The following PLPPR1 variants were observed in gnomAD, a reference collection of about 807,000 sequenced individuals.
PLPPR1 encodes phospholipid phosphatase related 1, also known as phospholipid phosphatase-related protein type 1.
In PLPPR1, 10 loss-of-function variants were observed where a neutral mutation model predicts 33.1. The observed-to-expected ratio is 0.30, with a 90% CI of 0.19 to 0.51. PLPPR1 has a LOEUF of 0.51. Among genes scored for constraint, PLPPR1 ranks in the 20% least tolerant of loss-of-function variants. The pLI, the probability that PLPPR1 is intolerant of heterozygous loss-of-function variation, is 0.97. For missense variants in PLPPR1, 304 were observed against 408.1 expected, an observed-to-expected ratio of 0.74 and a Z score of 2.20; for synonymous variants, 151 against 151.0, an observed-to-expected ratio of 1.00 and a Z score of 0.00.
chr9:101,236,473 C>T (rs1035108423), intron 2 of PLPPR1, among the ~76,000 whole-genome samples: 1 of 150,918 alleles, frequency 6.6e-6, no homozygotes, highest in African/African-American at 2.4e-5. Context: ...GGACAGAATG[C>T]CAGTAGAATA....
chr9:101,109,713 C>G (rs1016127603), intron 1 of PLPPR1, among the ~76,000 whole-genome samples: 3 of 152,154 alleles, frequency 2.0e-5, no homozygotes, highest in African/African-American at 7.2e-5. Flanking sequence ...ATCTGTAATC[C>G]TATTATCCCA....
intron 2 of PLPPR1, among the ~76,000 whole-genome samples, chr9:101,213,867 G>T (rs1305422633): frequency 6.6e-6 from 1 of 152,166 alleles, no homozygotes; most frequent in Admixed American, 6.5e-5. Flanking sequence ...AATACTGAAA[G>T]AAATAAAGGT....
intron 1 of PLPPR1, among the ~76,000 whole-genome samples, chr9:101,037,437 C>T (rs1323832739): frequency 1.3e-5 from 2 of 151,986 alleles, no homozygotes; most frequent in African/African-American, 2.4e-5. Flanking sequence ...GGCTCTCTGT[C>T]GAGGGGTTCT....
intron 1 of PLPPR1, among the ~76,000 whole-genome samples, chr9:101,127,087 T>C (rs1222620688): frequency 6.6e-6 from 1 of 152,184 alleles, no homozygotes; most frequent in Non-Finnish European, 1.5e-5. Context: ...ATAAATGCCT[T>C]AAGAAAAATA....
At chr9:101,155,828 G>A (rs893247384) in intron 1 of PLPPR1, among the ~76,000 whole-genome samples, 1 of 151,998 alleles carries the variant, frequency 6.6e-6, no homozygotes, top group Non-Finnish European at 1.5e-5. Flanking sequence ...TCTAACTCCC[G>A]ACCTCAAGTG....
chr9:101,267,243 C>G (rs1429077665), intron 2 of PLPPR1, among the ~76,000 whole-genome samples: 4 of 152,212 alleles, frequency 2.6e-5, no homozygotes, highest in African/African-American at 9.6e-5. Flanking sequence ...ATAAAAGAAA[C>G]AGTAACTTCA....
At chr9:101,111,723 G>C (rs1831059702) in intron 1 of PLPPR1, among the ~76,000 whole-genome samples, 1 of 152,132 alleles carries the variant, frequency 6.6e-6, no homozygotes. Context: ...TAGCACAGTT[G>C]TAAAAACTGC....
intron 4 of PLPPR1, among the ~76,000 whole-genome samples, chr9:101,294,937 G>A (rs1828593318): frequency 6.6e-6 from 1 of 152,170 alleles, no homozygotes; most frequent in African/African-American, 2.4e-5. Context: ...CATAGTGTTG[G>A]AAGTTCTGGC....
intron 2 of PLPPR1, among the ~76,000 whole-genome samples, chr9:101,195,129 T>C (rs1223415278): frequency 2.6e-5 from 4 of 152,138 alleles, no homozygotes; most frequent in African/African-American, 9.7e-5. Context: ...TTACGGTCAC[T>C]CTGGTAAAGG....
chr9:101,113,823 T>C (rs1831087530), intron 1 of PLPPR1, among the ~76,000 whole-genome samples: 1 of 152,090 alleles, frequency 6.6e-6, no homozygotes, highest in African/African-American at 2.4e-5. Context: ...TGCAGAAACA[T>C]GAAGCTCTGT....
intron 1 of PLPPR1, among the ~76,000 whole-genome samples, chr9:101,073,204 G>A (rs374905677): frequency 3.7e-4 from 57 of 152,254 alleles, no homozygotes; most frequent in African/African-American, 1.3e-3. Flanking sequence ...ATTTCTCAAA[G>A]GAACTTCCAA....
chr9:101,128,485 T>G (rs1053784190), intron 1 of PLPPR1, among the ~76,000 whole-genome samples: 3 of 152,338 alleles, frequency 2.0e-5, no homozygotes, highest in Non-Finnish European at 4.4e-5. Flanking sequence ...AGTGCCAAAT[T>G]CAGTTTCCAT....
At chr9:101,078,204 G>C (rs1406369512) in intron 1 of PLPPR1, among the ~76,000 whole-genome samples, 1 of 63,608 alleles carries the variant, frequency 1.6e-5, no homozygotes, top group Non-Finnish European at 3.4e-5. Context: ...GGGAGGGGGA[G>C]GGGGAGGGGG....
intron 1 of PLPPR1, among the ~76,000 whole-genome samples, chr9:101,044,782 G>A (rs945812382): frequency 1.3e-5 from 2 of 152,184 alleles, no homozygotes; most frequent in African/African-American, 4.8e-5. Context: ...GATCAGATGT[G>A]TTTCTCTTTG....
chr9:101,058,168 G>A (rs930329067), intron 1 of PLPPR1, among the ~76,000 whole-genome samples: 6 of 151,994 alleles, frequency 3.9e-5, no homozygotes, highest in Admixed American at 2.6e-4. Flanking sequence ...GAGAGGGGGC[G>A]GTATCAGCAG....
At chr9:101,234,295 T>G (rs1435085476) in intron 2 of PLPPR1, among the ~76,000 whole-genome samples, 1 of 151,830 alleles carries the variant, frequency 6.6e-6, no homozygotes, top group Non-Finnish European at 1.5e-5. Context: ...AGAGGGTGAG[T>G]TTACCTTGAA....
chr9:101,058,000 C>T (rs1488090256), intron 1 of PLPPR1, among the ~76,000 whole-genome samples: 1 of 152,058 alleles, frequency 6.6e-6, no homozygotes, highest in East Asian at 1.9e-4. Context: ...ATGCTCTGCC[C>T]CATCTGAGCC....
intron 1 of PLPPR1, among the ~76,000 whole-genome samples, chr9:101,044,837 G>A (rs1205681371): frequency 1.3e-5 from 2 of 152,146 alleles, no homozygotes; most frequent in Non-Finnish European, 2.9e-5. Flanking sequence ...TACACGTGTG[G>A]CATTCATACA....
chr9:101,270,637 A>G (rs1174478710), intron 3 of PLPPR1, among the ~76,000 whole-genome samples: 1 of 151,984 alleles, frequency 6.6e-6, no homozygotes, highest in Non-Finnish European at 1.5e-5. Flanking sequence ...CATATATTTC[A>G]TTTTCCCTTT....
Sources: gnomAD v4.1 joint callset for allele counts (sites outside exome capture counted in the v4.1 genomes callset) on GRCh38, gnomAD v4.1.1 for gene constraint, MANE v1.5 for transcripts, NCBI Gene and HGNC (gene_info 2026-07-23, HGNC 2026-07-21) for gene names.